Variants in IPMK observed in about 807,000 individuals in gnomAD.
The protein encoded by IPMK is inositol polyphosphate multikinase.
Under a neutral mutation model 45.8 loss-of-function variants are expected in IPMK, and 17 were observed. The observed-to-expected ratio is 0.37, with a 90% CI of 0.25 to 0.56. IPMK has a LOEUF of 0.56. IPMK is among the 20% of genes least tolerant of loss of function. The pLI, the probability that IPMK is intolerant of heterozygous loss-of-function variation, is 0.79. For missense variants in IPMK, 399 were observed against 498.0 expected (o/e 0.80, Z 1.89); for synonymous variants, 180 against 184.3 (o/e 0.98, Z 0.19).
chr10:58,210,961 T>C (rs80223541), intron 4 of IPMK, among the ~76,000 whole-genome samples: 2,697 of 152,322 alleles, frequency 0.018, 86 homozygotes, highest in African/African-American at 0.059. Flanking sequence ...ACATTAGCCC[T>C]GCCTCCCATC....
At chr10:58,264,722 T>C (rs556880323) in intron 1 of IPMK, among the ~76,000 whole-genome samples, 28 of 152,234 alleles carry the variant, frequency 1.8e-4, no homozygotes, top group African/African-American at 6.3e-4. Context: ...ATTACAGAAA[T>C]AGTTAAATAA....
rs58351785 is a variant in IPMK at position 58,210,049 on chromosome 10, G to C, written c.546+6096C>G. ...GGCAGGTAGAGAAAAACCATCAGGT[G>C]GGGGCAGGGTTAGGCAGGTCTGAGC... On this transcript the variant is annotated intron_variant, in intron 4 of 5. Coordinates refer to ENST00000373935, the MANE Select transcript of IPMK (RefSeq NM_152230.5). Among the ~76,000 whole-genome samples the C allele has an allele frequency of 6.6e-5, 10 of 152,176 alleles. No individual in the cohort carries two copies. The East Asian group carries it at 1.9e-3, about 29-fold the overall frequency.
chr10:58,231,123 A>G (rs1838510329), intron 2 of IPMK, among the ~76,000 whole-genome samples: 1 of 152,218 alleles, frequency 6.6e-6, no homozygotes, highest in Admixed American at 6.5e-5. Flanking sequence ...CGACAAGGTT[A>G]GAGAAAAAAG....
chr10:58,258,479 A>G (rs1387771240), intron 1 of IPMK, among the ~76,000 whole-genome samples: 1 of 152,210 alleles, frequency 6.6e-6, no homozygotes, highest in Non-Finnish European at 1.5e-5. Flanking sequence ...GCTGGACCAT[A>G]AAACAAGTCT....
In IPMK at chr10:58,196,595, C is replaced by T. The variant is rs1385984504; in HGVS notation, c.732G>A (p.Lys244=). Residue 244 remains lysine (K), a synonymous_variant, in exon 6 of 6, where the codon AAG becomes AAA. Transcript: ENST00000373935. ...ATGAACTTGCGTAAAAATTAAGCTG[C>T]TTCTGGTTTTCAAACCACTGCAGAA... ...EKILQWFENQ[K]QLNFYASSLL... 1.2e-6 allele frequency: 2 copies of T among 1,613,950 alleles called. No individual in the cohort carries two copies. Among genetic ancestry groups the T allele is most frequent in the Admixed American group, 1.7e-5 (1 of 59,996 alleles).
At chr10:58,252,556 TAAAC>T (rs1838898723) in intron 1 of IPMK, among the ~76,000 whole-genome samples, 1 of 151,332 alleles carries the variant, frequency 6.6e-6, no homozygotes, top group African/African-American at 2.4e-5. Context: ...ACACAGATAA[TAAAC>T]ATAATACCAA....
chr10:58,214,263 G>T (rs1385368324), intron 4 of IPMK, among the ~76,000 whole-genome samples: 1 of 152,222 alleles, frequency 6.6e-6, no homozygotes, highest in Non-Finnish European at 1.5e-5. Flanking sequence ...ATTCTTCAAT[G>T]TGACGGGAAA....
intron 3 of IPMK, among the ~76,000 whole-genome samples, chr10:58,223,897 C>A (rs1588959505): frequency 6.6e-6 from 1 of 152,300 alleles, no homozygotes; most frequent in Non-Finnish European, 1.5e-5. Context: ...TTTCCCTTCA[C>A]CTTCCACCAT....
chr10:58,267,091 C>A (rs537406140), intron 1 of IPMK, among the ~76,000 whole-genome samples: 109 of 152,352 alleles, frequency 7.2e-4, no homozygotes, highest in Non-Finnish European at 1.3e-3. Flanking sequence ...GAATTTACTT[C>A]CCCGTCCAGT....
intron 1 of IPMK, among the ~76,000 whole-genome samples, chr10:58,250,187 C>A (rs993149256): frequency 7.9e-5 from 12 of 152,220 alleles, no homozygotes; most frequent in African/African-American, 2.9e-4. Context: ...TGGTTCCATA[C>A]AAATTTAGGA....
At chr10:58,264,787 G>T (rs191399790) in intron 1 of IPMK, among the ~76,000 whole-genome samples, 1 of 152,096 alleles carries the variant, frequency 6.6e-6, no homozygotes, top group Non-Finnish European at 1.5e-5. Flanking sequence ...AAAGTATACC[G>T]TAAGTGCAAA....
intron 2 of IPMK, among the ~76,000 whole-genome samples, chr10:58,230,582 AC>A (rs1158999776): frequency 1.3e-5 from 2 of 152,198 alleles, no homozygotes; most frequent in African/African-American, 4.8e-5. Context: ...GAGCTGAGGG[AC>A]CTGACTGTTA....
chr10:58,259,678 A>AAAAAAAAAAAAAAAAAAAAAAC (rs984861270), intron 1 of IPMK, among the ~76,000 whole-genome samples: 1 of 144,498 alleles, frequency 6.9e-6, no homozygotes, highest in African/African-American at 2.7e-5. Context: ...ACATAAAAAA[A>AAAAAAAAAAAAAAAAAAAAAAC]AAAAAAAAAC....
intron 5 of IPMK, among the ~76,000 whole-genome samples, chr10:58,197,322 A>C (rs12252005): frequency 1.5e-3 from 163 of 110,096 alleles, no homozygotes; most frequent in South Asian, 4.4e-3. Context: ...TAAATAAATA[A>C]ATAAATACAT....
intron 1 of IPMK, among the ~76,000 whole-genome samples, chr10:58,266,421 T>C (rs551559938): frequency 2.0e-5 from 3 of 152,356 alleles, no homozygotes; most frequent in African/African-American, 7.2e-5. Context: ...GGAAGAACTC[T>C]TGGTTTCACA....
At chr10:58,235,675 TGGG>T (rs912489315) in intron 2 of IPMK, among the ~76,000 whole-genome samples, 3 of 152,026 alleles carry the variant, frequency 2.0e-5, no homozygotes, top group African/African-American at 7.2e-5. Flanking sequence ...GCTGCGGGGC[TGGG>T]GAGGGATAGC....
chr10:58,196,148 G>A lies in IPMK; in HGVS notation c.1179C>T (p.Asn393=). ...CATAAACATATCCCTCATCTATTGT[G>A]TTGCTAGGGAACACATGAGCAAAAT... ...MIDFAHVFPS[N]TIDEGYVYGL... Residue 393 remains asparagine, a synonymous_variant, in exon 6 of 6, where the codon AAC becomes AAT. Coordinates refer to ENST00000373935, the MANE Select transcript of IPMK (RefSeq NM_152230.5). The A allele has an allele frequency of 1.2e-6, 2 of 1,613,916 alleles. No individual in the cohort carries two copies. Among genetic ancestry groups the A allele is most frequent in the South Asian group, 1.1e-5 (1 of 91,082 alleles).
chr10:58,253,734 CAA>C (rs1183304261), intron 1 of IPMK, among the ~76,000 whole-genome samples: 23 of 49,844 alleles, frequency 4.6e-4, no homozygotes, highest in Non-Finnish European at 5.4e-4. Flanking sequence ...ACTCCATCTC[CAA>C]AAAAAAAAAA....
intron 1 of IPMK, among the ~76,000 whole-genome samples, chr10:58,244,002 AGG>A (rs1838745536): frequency 7.4e-6 from 1 of 135,214 alleles, no homozygotes; most frequent in African/African-American, 2.8e-5. Flanking sequence ...TGGGAGGGGA[AGG>A]GCGTCTCTGC....
Sources: gnomAD v4.1 joint callset for allele counts (sites outside exome capture counted in the v4.1 genomes callset) on GRCh38, gnomAD v4.1.1 for gene constraint, MANE v1.5 for transcripts, NCBI Gene and HGNC (gene_info 2026-07-23, HGNC 2026-07-21) for gene names.